The following CHCHD6 variants were observed in gnomAD, a reference collection of about 807,000 sequenced individuals.
CHCHD6 encodes the protein MICOS complex subunit MIC25.
In CHCHD6, 28 loss-of-function variants were observed where a neutral mutation model predicts 32.3. That is an observed-to-expected ratio of 0.87 (90% CI 0.64 to 1.19). The LOEUF is 1.19. CHCHD6 is among the 50% of genes most tolerant of loss of function. The pLI, the probability that CHCHD6 is intolerant of heterozygous loss-of-function variation, is 0.00. For missense variants in CHCHD6, 333 were observed against 307.0 expected (o/e 1.08, Z -0.63); for synonymous variants, 122 against 117.5 (o/e 1.04, Z -0.25).
At chr3:126,905,146 A>C (rs1222765871) in intron 5 of CHCHD6, among the ~76,000 whole-genome samples, 1 of 152,154 alleles carries the variant, frequency 6.6e-6, no homozygotes, top group Non-Finnish European at 1.5e-5. Context: ...CATCTGTCAG[A>C]CCCATGGTTG....
chr3:126,725,944 C>G (rs1935513822), intron 1 of CHCHD6, among the ~76,000 whole-genome samples: 1 of 152,198 alleles, frequency 6.6e-6, no homozygotes, highest in African/African-American at 2.4e-5. Flanking sequence ...GATCTTCTAT[C>G]CAGACCACTA....
intron 4 of CHCHD6, among the ~76,000 whole-genome samples, chr3:126,850,029 C>G (rs535472927): frequency 1.3e-5 from 2 of 152,294 alleles, no homozygotes; most frequent in South Asian, 4.1e-4. Flanking sequence ...AGTGTCTGCT[C>G]TGGGCCAGGC....
chr3:126,946,264 G>A (rs976861832), intron 6 of CHCHD6, among the ~76,000 whole-genome samples: 2 of 152,320 alleles, frequency 1.3e-5, no homozygotes, highest in Admixed American at 6.5e-5. Context: ...CCCAGAAAGC[G>A]CCCCACCTGG....
intron 5 of CHCHD6, among the ~76,000 whole-genome samples, chr3:126,867,513 A>G (rs1942329145): frequency 6.6e-6 from 1 of 152,182 alleles, no homozygotes; most frequent in Non-Finnish European, 1.5e-5. Flanking sequence ...AAAGACTGTT[A>G]AACAGATAAT....
intron 5 of CHCHD6, among the ~76,000 whole-genome samples, chr3:126,895,563 G>A (rs773384585): frequency 6.6e-6 from 1 of 152,232 alleles, no homozygotes; most frequent in Non-Finnish European, 1.5e-5. Context: ...TCCCATGAAA[G>A]GCCCTCTGTC....
chr3:126,865,606 C>T, intron 5 of CHCHD6: 2 of 985,396 alleles, frequency 2.0e-6, no homozygotes, highest in Non-Finnish European at 2.4e-6. Flanking sequence ...CACACCTTCA[C>T]TGCTACCACC....
intron 7 of CHCHD6, 110 bp from the exon 8 acceptor site, chr3:126,960,086 A>C: frequency 8.1e-6 from 11 of 1,356,652 alleles, no homozygotes; most frequent in Non-Finnish European, 1.0e-5. Flanking sequence ...AGGGAGACCA[A>C]CTCACAGCTG....
At chr3:126,768,216 G>A (rs1937453494) in intron 4 of CHCHD6, among the ~76,000 whole-genome samples, 1 of 152,172 alleles carries the variant, frequency 6.6e-6, no homozygotes, top group African/African-American at 2.4e-5. Flanking sequence ...GTGTGATAGT[G>A]AGTGAATTCT....
intron 2 of CHCHD6, among the ~76,000 whole-genome samples, chr3:126,730,075 T>C (rs1935719608): frequency 6.6e-6 from 1 of 152,146 alleles, no homozygotes; most frequent in Non-Finnish European, 1.5e-5. Flanking sequence ...TTAGGTTTAA[T>C]ATGGGGCATT....
At chr3:126,953,587 A>G (rs190589114) in intron 6 of CHCHD6, among the ~76,000 whole-genome samples, 6 of 152,306 alleles carry the variant, frequency 3.9e-5, no homozygotes, top group Admixed American at 3.3e-4. Flanking sequence ...ACAGCATGCA[A>G]TTCTGTTCTT....
At chr3:126,772,211 C>G (rs370348666) in intron 4 of CHCHD6, among the ~76,000 whole-genome samples, 1 of 152,174 alleles carries the variant, frequency 6.6e-6, no homozygotes, top group Non-Finnish European at 1.5e-5. Flanking sequence ...ACGCCATTCT[C>G]CTGCCTCAGC....
At chr3:126,885,650 T>G (rs78946820) in intron 5 of CHCHD6, among the ~76,000 whole-genome samples, 1 of 152,202 alleles carries the variant, frequency 6.6e-6, no homozygotes, top group Non-Finnish European at 1.5e-5. Context: ...AGGTGGTGTA[T>G]ATCTAAAGAA....
chr3:126,836,896 CG>C (rs1447689536), intron 4 of CHCHD6, among the ~76,000 whole-genome samples: 1 of 152,156 alleles, frequency 6.6e-6, no homozygotes, highest in Non-Finnish European at 1.5e-5. Context: ...GGAGCAAGTG[CG>C]GGGGACTGGC....
chr3:126,929,174 C>T (rs2078366812), intron 6 of CHCHD6, among the ~76,000 whole-genome samples: 1 of 152,228 alleles, frequency 6.6e-6, no homozygotes, highest in Non-Finnish European at 1.5e-5. Flanking sequence ...TTCTCTGACT[C>T]ATCCAGTGAA....
At chr3:126,863,376 C>T (rs1942040431) in intron 5 of CHCHD6, among the ~76,000 whole-genome samples, 6 of 138,626 alleles carry the variant, frequency 4.3e-5, no homozygotes, top group African/African-American at 5.5e-5. Flanking sequence ...CCTCCTCCTC[C>T]TCCTCTACCA....
chr3:126,878,293 C>T (rs1163421787), intron 5 of CHCHD6, among the ~76,000 whole-genome samples: 3 of 152,210 alleles, frequency 2.0e-5, no homozygotes, highest in Non-Finnish European at 4.4e-5. Context: ...TTCTAAATGA[C>T]CATTCCTAAT....
chr3:126,769,969 A>G (rs1412253071), intron 4 of CHCHD6, among the ~76,000 whole-genome samples: 1 of 152,198 alleles, frequency 6.6e-6, no homozygotes, highest in Non-Finnish European at 1.5e-5. Flanking sequence ...CCGTGAGCAT[A>G]GAATGTTTTT....
At chr3:126,898,407 C>G (rs562945006) in intron 5 of CHCHD6, among the ~76,000 whole-genome samples, 2 of 152,258 alleles carry the variant, frequency 1.3e-5, no homozygotes, top group South Asian at 4.2e-4. Context: ...AGCTGGGGCA[C>G]CGAGGAGACA....
At chr3:126,759,480 T>C (rs928292349) in intron 4 of CHCHD6, among the ~76,000 whole-genome samples, 1 of 152,244 alleles carries the variant, frequency 6.6e-6, no homozygotes, top group African/African-American at 2.4e-5. Flanking sequence ...TTTCTTATAG[T>C]TGCTGTGTCT....
Sources: gnomAD v4.1 joint callset for allele counts (sites outside exome capture counted in the v4.1 genomes callset) on GRCh38, gnomAD v4.1.1 for gene constraint, MANE v1.5 for transcripts, NCBI Gene and HGNC (gene_info 2026-07-23, HGNC 2026-07-21) for gene names.